The following CHN1 variants were observed in gnomAD, a reference collection of about 807,000 sequenced individuals.
CHN1 encodes N-chimaerin.
Under a neutral mutation model 59.5 loss-of-function variants are expected in CHN1, and 37 were observed. The ratio of observed to expected loss-of-function variants is 0.62; its 90% CI spans 0.48 to 0.82. The LOEUF (loss-of-function observed/expected upper bound fraction) is 0.82. CHN1 is among the 40% of genes least tolerant of loss of function. The pLI, the probability that CHN1 is intolerant of heterozygous loss-of-function variation, is 0.00. For synonymous variants in CHN1, 206 were observed against 200.4 expected, an observed-to-expected ratio of 1.03 and a Z score of -0.24; for missense variants, 469 against 571.0, an observed-to-expected ratio of 0.82 and a Z score of 1.82.
chr2:174,887,054 T>G (rs1687915898), intron 5 of CHN1, among the ~76,000 whole-genome samples: 1 of 152,176 alleles, frequency 6.6e-6, no homozygotes, highest in South Asian at 2.1e-4. Context: ...TTTTCTATTT[T>G]ATATAAATGG....
chr2:174,806,600 G>A (rs1029273781), intron 11 of CHN1, among the ~76,000 whole-genome samples: 1 of 152,176 alleles, frequency 6.6e-6, no homozygotes, highest in African/African-American at 2.4e-5. Flanking sequence ...TGACCTTAGA[G>A]GTGTGTGTGA....
At chr2:174,886,366 G>A (rs1295963078) in intron 5 of CHN1, among the ~76,000 whole-genome samples, 1 of 152,106 alleles carries the variant, frequency 6.6e-6, no homozygotes, top group African/African-American at 2.4e-5. Context: ...AAAGACTATT[G>A]TAGTGTATTG....
chr2:174,970,655 G>C (rs929577051), intron 1 of CHN1, among the ~76,000 whole-genome samples: 1 of 152,178 alleles, frequency 6.6e-6, no homozygotes, highest in African/African-American at 2.4e-5. Context: ...GGATAATACA[G>C]TATCATGTGT....
chr2:174,976,400 G>C (rs1690942518), intron 1 of CHN1, among the ~76,000 whole-genome samples: 1 of 151,862 alleles, frequency 6.6e-6, no homozygotes, highest in South Asian at 2.1e-4. Context: ...ACCATGCCGG[G>C]CTAATTTTTT....
intron 4 of CHN1, among the ~76,000 whole-genome samples, chr2:174,917,466 A>C (rs1365518324): frequency 6.6e-6 from 1 of 152,140 alleles, no homozygotes; most frequent in African/African-American, 2.4e-5. Flanking sequence ...CTTAAAAGAA[A>C]ATCAAACTAA....
intron 7 of CHN1, among the ~76,000 whole-genome samples, chr2:174,828,591 GCAGA>G (rs1328984344): frequency 6.6e-6 from 1 of 152,146 alleles, no homozygotes; most frequent in African/African-American, 2.4e-5. Flanking sequence ...ACTGACATCT[GCAGA>G]CAATTTTGTT....
At chr2:174,899,118 A>G (rs1447936130) in intron 5 of CHN1, among the ~76,000 whole-genome samples, 1 of 152,116 alleles carries the variant, frequency 6.6e-6, no homozygotes, top group Non-Finnish European at 1.5e-5. Flanking sequence ...TTCCTTTTTT[A>G]TATACATTTA....
chr2:174,907,016 A>C (rs1286711330), intron 5 of CHN1, among the ~76,000 whole-genome samples: 2 of 152,072 alleles, frequency 1.3e-5, no homozygotes, highest in Non-Finnish European at 2.9e-5. Context: ...TTTAATCTTA[A>C]TTTGTTAATT....
chr2:174,906,637 C>T (rs1188062325), intron 5 of CHN1, among the ~76,000 whole-genome samples: 1 of 149,870 alleles, frequency 6.7e-6, no homozygotes, highest in Non-Finnish European at 1.5e-5. Flanking sequence ...TGAGAACATG[C>T]AAAAGCCATG....
At chr2:174,957,946 G>A (rs1690265778) in intron 1 of CHN1, among the ~76,000 whole-genome samples, 1 of 152,114 alleles carries the variant, frequency 6.6e-6, no homozygotes, top group Non-Finnish European at 1.5e-5. Flanking sequence ...CCCAATGAAA[G>A]CTCTGAACAC....
chr2:174,910,899 C>CA (rs10568066), intron 5 of CHN1, among the ~76,000 whole-genome samples: 2,329 of 76,156 alleles, frequency 0.031, 80 homozygotes, highest in African/African-American at 0.062. Context: ...GACTCCGTCT[C>CA]AAAAAAAAAA....
chr2:174,885,232 G>A (rs1301060408), intron 5 of CHN1, among the ~76,000 whole-genome samples: 1 of 150,752 alleles, frequency 6.6e-6, no homozygotes, highest in African/African-American at 2.4e-5. Flanking sequence ...TCAAGATCAC[G>A]CCACTGCACT....
intron 1 of CHN1, among the ~76,000 whole-genome samples, chr2:174,978,222 G>A (rs753711903): frequency 2.4e-4 from 36 of 152,264 alleles, no homozygotes; most frequent in Admixed American, 2.2e-3. Context: ...CTTAGTTAGC[G>A]TTCTTCAACC....
chr2:174,855,579 C>T (rs1440691840), intron 6 of CHN1, among the ~76,000 whole-genome samples: 1 of 152,046 alleles, frequency 6.6e-6, no homozygotes, highest in Admixed American at 6.6e-5. Context: ...CCTATTTTTT[C>T]TCCATTAGAG....
At chr2:174,860,651 A>G (rs1390682335) in intron 6 of CHN1, among the ~76,000 whole-genome samples, 1 of 152,238 alleles carries the variant, frequency 6.6e-6, no homozygotes, top group African/African-American at 2.4e-5. Context: ...TATTAAATAC[A>G]TATTTAATAA....
intron 7 of CHN1, among the ~76,000 whole-genome samples, chr2:174,839,456 G>A (rs1235978076): frequency 3.9e-5 from 6 of 152,146 alleles, no homozygotes; most frequent in African/African-American, 1.4e-4. Context: ...CCACTTATAT[G>A]AGGTATCTAT....
intron 6 of CHN1, among the ~76,000 whole-genome samples, chr2:174,877,326 G>A (rs1016203886): frequency 6.6e-6 from 1 of 151,954 alleles, no homozygotes; most frequent in Non-Finnish European, 1.5e-5. Flanking sequence ...ATTATAAAGA[G>A]ATAAATCCTC....
At chr2:174,875,287 T>C (rs1209258030) in intron 6 of CHN1, among the ~76,000 whole-genome samples, 1 of 152,228 alleles carries the variant, frequency 6.6e-6, no homozygotes, top group Admixed American at 6.5e-5. Flanking sequence ...GAAAATGCCT[T>C]ATCTCATATG....
chr2:174,942,226 T>C (rs1463777633), intron 3 of CHN1, among the ~76,000 whole-genome samples: 2 of 152,150 alleles, frequency 1.3e-5, no homozygotes, highest in Non-Finnish European at 2.9e-5. Flanking sequence ...AATTACAGCA[T>C]TTTTCACAAT....
Sources: allele counts gnomAD v4.1 joint callset (sites outside exome capture counted in the v4.1 genomes callset), GRCh38; gene constraint gnomAD v4.1.1; transcripts MANE v1.5; gene names NCBI Gene and HGNC (gene_info 2026-07-23, HGNC 2026-07-21).